The following PHACTR2 variants were observed in gnomAD, a reference collection of about 807,000 sequenced individuals.
The protein encoded by PHACTR2 is phosphatase and actin regulator 2.
PHACTR2 carries 30 observed loss-of-function variants against 76.0 expected under a neutral mutation model. The ratio of observed to expected loss-of-function variants is 0.39; its 90% CI spans 0.30 to 0.54. The LOEUF (loss-of-function observed/expected upper bound fraction) is 0.54. Ranked by LOEUF, PHACTR2 falls within the 20% of genes least tolerant of loss-of-function variation. The probability of loss-of-function intolerance (pLI) is 0.61; values close to 1 mark genes in which losing one functional copy is unlikely to be tolerated. For missense variants in PHACTR2, 696 were observed against 781.1 expected, an observed-to-expected ratio of 0.89 and a Z score of 1.30; for synonymous variants, 292 against 292.5, an observed-to-expected ratio of 1.00 and a Z score of 0.02.
At chr6:143,563,297 G>C (rs1775307677) in intron 1 of PHACTR2, among the ~76,000 whole-genome samples, 2 of 152,054 alleles carry the variant, frequency 1.3e-5, no homozygotes, top group Non-Finnish European at 2.9e-5. Context: ...AAACCCGGGG[G>C]CTCAAGCCTG....
rs1253865071 is a variant in PHACTR2 at position 143,730,106 on chromosome 6, A to C, written c.214+17923A>C. ...GAAAATTAGGTAGTGTGATTTTCCAACCTTATTCTTCATTTAAAATTGTTT... is the reference window on the plus strand; with the variant it reads ...GAAAATTAGGTAGTGTGATTTTCCACCCTTATTCTTCATTTAAAATTGTTT... On this transcript the variant is annotated intron_variant, in intron 2 of 12. Coordinates refer to ENST00000440869, the MANE Select transcript of PHACTR2 (RefSeq NM_001100164.2). This position sits in a 1 kb window ranked among gnomAD's most constrained non-coding sequence, Gnocchi z 4.8. Among the ~76,000 whole-genome samples the C allele has an allele frequency of 6.6e-6, 1 of 152,082 alleles. No individual in the cohort carries two copies. The highest frequency in any genetic ancestry group is 2.4e-5 in the African/African-American group (1 of 41,410).
chr6:143,588,206 A>G (rs1775649849), intron 1 of PHACTR2, among the ~76,000 whole-genome samples: 1 of 152,078 alleles, frequency 6.6e-6, no homozygotes, highest in South Asian at 2.1e-4. Flanking sequence ...ATATGGAAAG[A>G]TTTTCCCTAG....
At position 143,795,231 on chromosome 6, in the gene PHACTR2, T is replaced by C. The variant is rs1200176206; in HGVS notation, c.1845+6321T>C. ...GAGTTAAAGACCAGCCTGAGCAACA[T>C]AGCAAGACCCTCTCTCTACAAAAAC... On this transcript the variant is annotated intron_variant, in intron 11 of 12. Coordinates refer to ENST00000440869, the MANE Select transcript of PHACTR2 (RefSeq NM_001100164.2). The surrounding 1 kb of genome is among the most constrained non-coding windows in gnomAD (Gnocchi z 4.8). Among the ~76,000 whole-genome samples the C allele has an allele frequency of 6.6e-6, 1 of 152,026 alleles. No individual in the cohort carries two copies. The highest frequency in any genetic ancestry group is 2.4e-5 in the African/African-American group (1 of 41,372).
In PHACTR2 at chr6:143,652,031, CTCCAGCCTGAGAAAT is replaced by C. The variant is rs1246199622; in HGVS notation, c.13+43711_13+43725del. Among the ~76,000 whole-genome samples the C allele has an allele frequency of 2.0e-5, 3 of 149,998 alleles. No homozygotes were observed. ...GATGCCTTCATCTTGGATTTCTAGC[CTCCAGCCTGAGAAAT>C]TAAAGTTCTGTTGTTTAAGCAAAAA... On this transcript the variant is annotated intron_variant, in intron 1 of 11. Transcript: ENST00000305766. The surrounding 1 kb of genome is among the most constrained non-coding windows in gnomAD (Gnocchi z 4.5).
chr6:143,759,440 G>A (rs916852300), intron 4 of PHACTR2, among the ~76,000 whole-genome samples: 1 of 152,066 alleles, frequency 6.6e-6, no homozygotes, highest in Non-Finnish European at 1.5e-5. Flanking sequence ...AATTGCTTGA[G>A]CCCAGGAGTT....
rs995747919 is a variant in PHACTR2 at position 143,578,579 on chromosome 6, T to TA, written c.217+41379dup. Among the ~76,000 whole-genome samples the TA allele has an allele frequency of 6.6e-6, 1 of 152,020 alleles. No individual in the cohort carries two copies. The highest frequency in any genetic ancestry group is 2.4e-5 in the African/African-American group (1 of 41,406). ...CAAGAAAAGGAGGAAAAGGACCTTT[T>TA]AAAAAAATTTGCTGTTGACTTGGAT... On this transcript the variant is annotated intron_variant, in intron 1 of 11. Coordinates refer to the PHACTR2 transcript ENST00000367584. The surrounding 1 kb of genome is among the most constrained non-coding windows in gnomAD (Gnocchi z 4.5).
chr6:143,636,213 A>AG (rs1311232311), intron 1 of PHACTR2, among the ~76,000 whole-genome samples: 3 of 119,556 alleles, frequency 2.5e-5, no homozygotes, highest in African/African-American at 8.6e-5. Context: ...GACCTGTCTC[A>AG]GAAAAAAAAA....
rs1337456568 is a variant in PHACTR2 at position 143,827,196 on chromosome 6, A to ATATATATATATG, written c.*3510_*3511insATATATATGTAT. 8 of 120,176 alleles carry ATATATATATATG rather than the reference A, an allele frequency of 6.7e-5. No homozygotes were observed. The highest frequency in any genetic ancestry group is 2.1e-4 in the African/African-American group (7 of 33,110). The allele number at this position is 120,176 out of a possible 1,614,324, so 7.4% of individuals were successfully genotyped here. On this transcript the variant is annotated 3_prime_UTR_variant, in exon 13 of 13. Coordinates refer to ENST00000440869, the MANE Select transcript of PHACTR2 (RefSeq NM_001100164.2). Reference sequence around the variant, plus strand: ...TATATATATATATATATATATATATATATGTATATTATATATACAGTAGCT... The same window carrying ATATATATATATG: ...TATATATATATATATATATATATATATATATATATATGTATGTATATTATATATACAGTAGCT...
chr6:143,825,108 A>G lies in PHACTR2; in HGVS notation c.*1419A>G, dbSNP rs1280657894. 1 of 152,592 alleles carries G rather than the reference A, an allele frequency of 6.6e-6. No individual in the cohort carries two copies. The highest frequency in any genetic ancestry group is 1.5e-5 in the Non-Finnish European group (1 of 68,038). 9.5% of individuals were successfully genotyped at this position (152,592 alleles called of 1,614,324 possible). A position where few individuals can be genotyped will look rare whatever the true frequency, so the allele number is the denominator to read the frequency against. The stretch of plus-strand genomic sequence containing the variant: ...ATATGTAAATACCACCTTGCATTTC[A>G]TTGTTCTTCACAAGTGCTTTGTGCC... On this transcript the variant is annotated 3_prime_UTR_variant, in exon 13 of 13. Transcript: ENST00000440869. This position sits in a 1 kb window ranked among gnomAD's most constrained non-coding sequence, Gnocchi z 4.1.
chr6:143,570,961 A>G lies in PHACTR2; in HGVS notation c.217+33754A>G, dbSNP rs1321908425. Among the ~76,000 whole-genome samples the G allele has an allele frequency of 1.3e-5, 2 of 152,164 alleles. No individual in the cohort carries two copies. The highest frequency in any genetic ancestry group is 3.9e-4 in the East Asian group (2 of 5,194). On this transcript the variant is annotated intron_variant, in intron 1 of 11. Transcript: ENST00000367584. The surrounding 1 kb of genome is among the most constrained non-coding windows in gnomAD (Gnocchi z 4.6). The stretch of plus-strand genomic sequence containing the variant: ...ATGCCCCTGAGACTCGAAGACGCAA[A>G]TTATATTCCTATTTTTCATGAAATT...
intron 1 of PHACTR2, among the ~76,000 whole-genome samples, chr6:143,657,771 G>A (rs894642024): frequency 1.3e-5 from 2 of 152,186 alleles, no homozygotes; most frequent in Non-Finnish European, 2.9e-5. Flanking sequence ...GGGGTGTGGG[G>A]ACCTTGATGC....
In PHACTR2 at chr6:143,550,975, C is replaced by T. The variant is rs892686274; in HGVS notation, c.217+13768C>T. On this transcript the variant is annotated intron_variant, in intron 1 of 11. Coordinates refer to the PHACTR2 transcript ENST00000367584. The surrounding 1 kb of genome is among the most constrained non-coding windows in gnomAD (Gnocchi z 4.8). Reference sequence around the variant, plus strand: ...ATCACTTGAGCCTGGGAGGTTGAGACTACATGAACCATGATTGCACCACTG... The same window carrying T: ...ATCACTTGAGCCTGGGAGGTTGAGATTACATGAACCATGATTGCACCACTG... Among the ~76,000 whole-genome samples, 2 of 151,838 alleles carry T rather than the reference C, an allele frequency of 1.3e-5. No individual in the cohort carries two copies. Among genetic ancestry groups the T allele is most frequent in the African/African-American group, 4.8e-5 (2 of 41,366 alleles).
At chr6:143,574,836 C>T (rs982401389) in intron 1 of PHACTR2, among the ~76,000 whole-genome samples, 1 of 152,018 alleles carries the variant, frequency 6.6e-6, no homozygotes, top group African/African-American at 2.4e-5. Context: ...TCCTCCTCTC[C>T]CCCAATTTTT....
intron 1 of PHACTR2, among the ~76,000 whole-genome samples, chr6:143,638,633 T>C (rs1350003738): frequency 1.3e-5 from 2 of 151,848 alleles, no homozygotes; most frequent in Non-Finnish European, 2.9e-5. Flanking sequence ...AATTTTTCAT[T>C]TTATATTAAG....
rs970395029 is a variant in PHACTR2 at position 143,652,827 on chromosome 6, A to T, written c.13+44505A>T. On this transcript the variant is annotated intron_variant, in intron 1 of 11. Transcript: ENST00000305766. This position sits in a 1 kb window ranked among gnomAD's most constrained non-coding sequence, Gnocchi z 4.5. ...CTGGTCATGTGTGTGTGTGATCTAT[A>T]ATAGGGTCACAGCTTTATGAAATTC... 3.9e-5 allele frequency among the ~76,000 whole-genome samples: 6 copies of T among 152,164 alleles called. No homozygotes were observed. Among genetic ancestry groups the T allele is most frequent in the Admixed American group, 3.9e-4 (6 of 15,278 alleles).
chr6:143,609,454 T>C (rs1775943067), intron 1 of PHACTR2, among the ~76,000 whole-genome samples: 1 of 151,888 alleles, frequency 6.6e-6, no homozygotes, highest in Non-Finnish European at 1.5e-5. Flanking sequence ...ATGAAACAAG[T>C]GTAAGGATGT....
At chr6:143,692,646 A>C (rs569775016) in intron 1 of PHACTR2, among the ~76,000 whole-genome samples, 17 of 152,336 alleles carry the variant, frequency 1.1e-4, no homozygotes, top group African/African-American at 3.6e-4. Flanking sequence ...TTTCCAAACA[A>C]GAATGTTTTA....
chr6:143,753,803 C>T lies in PHACTR2; in HGVS notation c.345C>T (p.Pro115=). ...AAAATTCAAACGGGCACATGATACC[C>T]ATCGGAGAGGAATCTACCCGAGAGG... The part of the protein sequence containing the change: ...NFENSNGHMI[P]IGEESTREEN... The change falls in exon 4 of 13, where the codon CCC becomes CCT. Residue 115 remains proline (P), a synonymous_variant. Coordinates refer to ENST00000440869, the MANE Select transcript of PHACTR2 (RefSeq NM_001100164.2). This position sits in a 1 kb window ranked among gnomAD's most constrained non-coding sequence, Gnocchi z 4.6. 2 of 1,611,474 alleles carry T rather than the reference C, an allele frequency of 1.2e-6. No homozygotes were observed. Among genetic ancestry groups the T allele is most frequent in the Non-Finnish European group, 1.7e-6 (2 of 1,178,460 alleles).
chr6:143,694,399 A>G (rs1026110794), intron 1 of PHACTR2, among the ~76,000 whole-genome samples: 2 of 152,208 alleles, frequency 1.3e-5, no homozygotes, highest in African/African-American at 4.8e-5. Context: ...AGAAACCCCC[A>G]AACTACTTAT....
Sources: gnomAD v4.1 joint callset for allele counts (sites outside exome capture counted in the v4.1 genomes callset) on GRCh38, gnomAD v4.1.1 for gene constraint, Gnocchi (gnomAD v3.1) non-coding constraint, MANE v1.5 for transcripts, NCBI Gene and HGNC (gene_info 2026-07-23, HGNC 2026-07-21) for gene names.